DBX2: variants seen among roughly 807,000 people sequenced by gnomAD.
DBX2 encodes the protein homeobox protein DBX2.
A neutral mutation model predicts 17.7 loss-of-function variants in DBX2; 16 were observed. The observed-to-expected ratio is 0.90, with a 90% confidence interval of 0.61 to 1.37. The LOEUF is 1.37. Among genes scored for constraint, DBX2 ranks in the 40% most tolerant of loss-of-function variants. DBX2 has a pLI of 0.00. For missense variants in DBX2, 538 were observed against 433.8 expected, an observed-to-expected ratio of 1.24 and a Z score of -2.13; for synonymous variants, 255 against 183.8, an observed-to-expected ratio of 1.39 and a Z score of -3.13.
chr12:45,046,776 G>A (rs903258111), intron 1 of DBX2, among the ~76,000 whole-genome samples: 2 of 152,004 alleles, frequency 1.3e-5, no homozygotes. Context: ...AAACTAGAGT[G>A]CACATTAAGT....
chr12:45,044,836 A>G (rs1946491316), intron 1 of DBX2, among the ~76,000 whole-genome samples: 1 of 152,122 alleles, frequency 6.6e-6, no homozygotes, highest in East Asian at 1.9e-4. Flanking sequence ...TTAAAAATGA[A>G]ATCAGCTATG....
Position 45,032,190 on chromosome 12 carries a change from C to A in DBX2, c.499+3829G>T, listed in dbSNP as rs544619596. ...AACATTGTTCTTGGTTGACTGAATGCCATTTATCTATGGAACACCCCTCCC... is the reference window on the plus strand; with the variant it reads ...AACATTGTTCTTGGTTGACTGAATGACATTTATCTATGGAACACCCCTCCC... On this transcript the variant is annotated intron_variant, in intron 2 of 3. Transcript: ENST00000332700. Among the ~76,000 whole-genome samples, 3 of 152,246 alleles carry A rather than the reference C, an allele frequency of 2.0e-5. No homozygotes were observed. The East Asian group carries it at 5.8e-4, about 29-fold the overall frequency.
At chr12:45,038,499 C>T (rs926402274) in intron 1 of DBX2, among the ~76,000 whole-genome samples, 1 of 150,878 alleles carries the variant, frequency 6.6e-6, no homozygotes, top group Non-Finnish European at 1.5e-5. Context: ...AATATGTATG[C>T]AATATGTGTG....
chr12:45,049,510 C>T (rs1442671103), intron 1 of DBX2, among the ~76,000 whole-genome samples: 1 of 152,060 alleles, frequency 6.6e-6, no homozygotes, highest in Non-Finnish European at 1.5e-5. Flanking sequence ...AAGACAGGTT[C>T]TAAACATGTT....
At chr12:45,031,165 G>C (rs1453942620) in intron 2 of DBX2, among the ~76,000 whole-genome samples, 1 of 146,896 alleles carries the variant, frequency 6.8e-6, no homozygotes, top group Non-Finnish European at 1.5e-5. Context: ...CTTTCATGAA[G>C]AGCTTCCTTA....
chr12:45,031,192 G>A (rs1241846640), intron 2 of DBX2, among the ~76,000 whole-genome samples: 2 of 48,576 alleles, frequency 4.1e-5, no homozygotes, highest in Admixed American at 4.2e-4. Flanking sequence ...TTATTTTCAA[G>A]TGTGTGTGTG....
intron 1 of DBX2, among the ~76,000 whole-genome samples, 158 bp downstream of exon 1, chr12:45,050,367 T>C (rs1014322239): frequency 4.6e-5 from 7 of 152,284 alleles, no homozygotes; most frequent in Non-Finnish European, 1.0e-4. Flanking sequence ...GGCCCCCTAC[T>C]CCCGAAGTGG....
At chr12:45,028,949 C>G (rs1340088028) in intron 2 of DBX2, among the ~76,000 whole-genome samples, 1 of 152,206 alleles carries the variant, frequency 6.6e-6, no homozygotes, top group Non-Finnish European at 1.5e-5. Context: ...TATTACTAAA[C>G]CACCATTGAT....
At chr12:45,019,610 A>C (rs1946341022) in intron 3 of DBX2, among the ~76,000 whole-genome samples, 2 of 152,002 alleles carry the variant, frequency 1.3e-5, no homozygotes, top group East Asian at 3.8e-4. Context: ...TCCCACTCAC[A>C]CTCTCTTACA....
At chr12:45,050,066 T>G (rs1017221768) in intron 1 of DBX2, among the ~76,000 whole-genome samples, 1 of 152,178 alleles carries the variant, frequency 6.6e-6, no homozygotes, top group Non-Finnish European at 1.5e-5. Flanking sequence ...ACAGTTTCAG[T>G]GGCAAAATCT....
At position 45,023,699 on chromosome 12, in the gene DBX2, A is replaced by C; in HGVS notation, c.687+8T>G. ...AGAGGCAGTAGACATCTTCCTGCTT[A>C]TTAGTACCTGTGATTCCTTTAGTCC... On this transcript the variant is annotated splice_region_variant and intron_variant, in intron 3 of 3. Coordinates refer to ENST00000332700, the MANE Select transcript of DBX2 (RefSeq NM_001004329.3). 1.2e-6 allele frequency: 2 copies of C among 1,614,064 alleles called. No homozygotes were observed. Among genetic ancestry groups the C allele is most frequent in the Non-Finnish European group, 1.7e-6 (2 of 1,179,966 alleles).
At chr12:45,017,867 C>T (rs1218276795) in intron 3 of DBX2, among the ~76,000 whole-genome samples, 1 of 152,074 alleles carries the variant, frequency 6.6e-6, no homozygotes, top group African/African-American at 2.4e-5. Flanking sequence ...ATTTTTAAAA[C>T]AAAAACTAGA....
At chr12:45,024,866 G>A (rs957262599) in intron 2 of DBX2, among the ~76,000 whole-genome samples, 3 of 152,118 alleles carry the variant, frequency 2.0e-5, no homozygotes, top group Non-Finnish European at 1.5e-5. Context: ...GAGAACTGAA[G>A]GGCTCTCAGT....
chr12:45,032,375 G>A (rs1946415141), intron 2 of DBX2, among the ~76,000 whole-genome samples: 1 of 152,132 alleles, frequency 6.6e-6, no homozygotes, highest in Non-Finnish European at 1.5e-5. Flanking sequence ...ATTGTATGCA[G>A]CATTTTGTAG....
intron 1 of DBX2, among the ~76,000 whole-genome samples, chr12:45,042,985 G>T (rs886228827): frequency 6.6e-5 from 10 of 152,112 alleles, no homozygotes; most frequent in African/African-American, 1.9e-4. Flanking sequence ...CTAAACTCGA[G>T]GAGATTCCTT....
At chr12:45,024,155 G>C (rs965442987) in intron 2 of DBX2, among the ~76,000 whole-genome samples, 1 of 152,148 alleles carries the variant, frequency 6.6e-6, no homozygotes, top group African/African-American at 2.4e-5. Flanking sequence ...TCTCATGAAA[G>C]TGAATGAGGT....
chr12:45,034,907 GA>G (rs1180091026), intron 2 of DBX2, among the ~76,000 whole-genome samples: 1 of 152,190 alleles, frequency 6.6e-6, no homozygotes, highest in African/African-American at 2.4e-5. Flanking sequence ...TCTGCAGAGT[GA>G]AAAATCGTGG....
intron 1 of DBX2, among the ~76,000 whole-genome samples, chr12:45,036,664 T>A (rs1946442802): frequency 6.6e-6 from 1 of 152,240 alleles, no homozygotes; most frequent in Non-Finnish European, 1.5e-5. Flanking sequence ...TGTGCTTACA[T>A]TTAATTTTTA....
intron 3 of DBX2, among the ~76,000 whole-genome samples, chr12:45,021,164 A>G (rs1246696029): frequency 1.3e-5 from 2 of 152,186 alleles, no homozygotes; most frequent in Non-Finnish European, 2.9e-5. Context: ...TGTGTAATTG[A>G]TACATTTGTG....
Sources: gnomAD v4.1 joint callset for allele counts (sites outside exome capture counted in the v4.1 genomes callset) on GRCh38, gnomAD v4.1.1 for gene constraint, MANE v1.5 for transcripts, NCBI Gene and HGNC (gene_info 2026-07-23, HGNC 2026-07-21) for gene names.